Variants in WLS observed in about 807,000 individuals in gnomAD.
WLS encodes the protein protein wntless homolog.
In WLS, 23 loss-of-function variants were observed where a neutral mutation model predicts 62.8. The ratio of observed to expected loss-of-function variants is 0.37; its 90% confidence interval spans 0.26 to 0.52. WLS has a LOEUF of 0.52. Ranked by LOEUF, WLS falls within the 20% of genes least tolerant of loss-of-function variation. The probability of loss-of-function intolerance (pLI) is 0.92; values close to 1 mark genes in which losing one functional copy is unlikely to be tolerated. For missense variants in WLS, 615 were observed against 697.3 expected (o/e 0.88, Z 1.33); for synonymous variants, 246 against 244.1 (o/e 1.01, Z -0.07).
At chr1:68,099,927 A>G (rs1189348599) in intron 11 of WLS, 1 of 152,206 alleles carries the variant, frequency 6.6e-6, no homozygotes, top group African/African-American at 2.4e-5. Context: ...TACCTACAAT[A>G]CCACACAAGT....
At chr1:68,177,115 G>A (rs1464740660) in intron 2 of WLS, among the ~76,000 whole-genome samples, 9 of 152,122 alleles carry the variant, frequency 5.9e-5, no homozygotes, top group Non-Finnish European at 2.9e-5. Flanking sequence ...ATTAAATCAT[G>A]CCTGTGGGCA....
rs138662607 is a variant in WLS at position 68,184,918 on chromosome 1, C to T, written c.379+9037G>A. On this transcript the variant is annotated intron_variant, in intron 2 of 11. Coordinates refer to ENST00000262348, the MANE Select transcript of WLS (RefSeq NM_024911.7). ...CTACCACCATTTAGAAGTTGAACTC[C>T]GAGTGAGGGGAAAAACAAACAAACA... Among the ~76,000 whole-genome samples the T allele has an allele frequency of 4.0e-5, 6 of 149,938 alleles. 1 individual carries two copies. Among genetic ancestry groups the T allele is most frequent in the African/African-American group, 1.2e-4 (5 of 40,734 alleles).
chr1:68,105,278 T>A (rs952815728), intron 11 of WLS, among the ~76,000 whole-genome samples: 2 of 152,232 alleles, frequency 1.3e-5, no homozygotes, highest in African/African-American at 4.8e-5. Flanking sequence ...AAAAGACATC[T>A]AACCTGAGTG....
chr1:68,119,205 G>T (rs1646334705), intron 11 of WLS, among the ~76,000 whole-genome samples: 1 of 152,040 alleles, frequency 6.6e-6, no homozygotes, highest in Non-Finnish European at 1.5e-5. Context: ...GAAAAGGGCA[G>T]GTTATATAAC....
At chr1:68,194,358 T>C (rs1293338616) in intron 1 of WLS, 131 bp from the exon 2 acceptor site, 1 of 1,194,422 alleles carries the variant, frequency 8.4e-7, no homozygotes, top group African/African-American at 1.5e-5. Flanking sequence ...TCAGCAATAC[T>C]TAGGGATCTT....
intron 11 of WLS, among the ~76,000 whole-genome samples, chr1:68,105,787 A>G (rs1019380131): frequency 2.0e-5 from 3 of 152,158 alleles, no homozygotes; most frequent in African/African-American, 7.2e-5. Flanking sequence ...GAAAGACAGG[A>G]CTGGGTTCTG....
rs752250717 is a variant in WLS, at chr1:68,155,227, C to T, written c.538G>A (p.Asp180Asn). The T allele has an allele frequency of 6.2e-7, 1 of 1,613,682 alleles. No individual in the cohort carries two copies. The highest frequency in any genetic ancestry group is 1.7e-5 in the Admixed American group (1 of 59,952). Residue 180 changes from aspartate (D) to asparagine (N), a missense_variant, in exon 4 of 12, where the codon GAT becomes AAT. Asp to Asn is a conservative substitution (Grantham distance 23). Transcript: ENST00000262348. ...CCAATTTCCATGAAAGGAAGGACAT[C>T]ACATTCATAGTAACGGCCCTCATGC... ...PEHEGRYYEC[D>N]VLPFMEIGSV...
chr1:68,199,493 G>C (rs897667921), intron 1 of WLS, among the ~76,000 whole-genome samples: 1 of 152,140 alleles, frequency 6.6e-6, no homozygotes, highest in Non-Finnish European at 1.5e-5. Context: ...GGTAGAGATA[G>C]AACATGTGCT....
intron 10 of WLS, among the ~76,000 whole-genome samples, chr1:68,143,691 T>G (rs931372923): frequency 1.3e-5 from 2 of 152,202 alleles, no homozygotes; most frequent in African/African-American, 4.8e-5. Flanking sequence ...TCTAGGTTTG[T>G]GTAAGTACAC....
At chr1:68,119,009 A>G (rs907975185) in intron 11 of WLS, among the ~76,000 whole-genome samples, 4 of 152,038 alleles carry the variant, frequency 2.6e-5, no homozygotes, top group African/African-American at 7.2e-5. Flanking sequence ...TCAGTGATGT[A>G]CAAAAAAGAT....
intron 5 of WLS, 134 bp downstream of exon 5, chr1:68,153,383 C>A: frequency 1.7e-6 from 2 of 1,209,050 alleles, no homozygotes; most frequent in Non-Finnish European, 2.3e-6. Context: ...AAAAAGGAGT[C>A]CAGGATGACT....
At chr1:68,172,815 G>A (rs895326440) in intron 2 of WLS, among the ~76,000 whole-genome samples, 1 of 152,174 alleles carries the variant, frequency 6.6e-6, no homozygotes, top group Admixed American at 6.5e-5. Context: ...CAAAATAGCA[G>A]GGAAAGCAAC....
chr1:68,176,196 T>C (rs1647250380), intron 2 of WLS: 1 of 151,112 alleles, frequency 6.6e-6, no homozygotes, highest in Non-Finnish European at 1.5e-5. Context: ...TCTCCTCTTA[T>C]CTTTTTCCTC....
At chr1:68,192,412 A>G (rs1052721894) in intron 2 of WLS, among the ~76,000 whole-genome samples, 7 of 151,858 alleles carry the variant, frequency 4.6e-5, no homozygotes, top group African/African-American at 1.7e-4. Flanking sequence ...AGCTCAGGAG[A>G]GACCCCCATA....
Position 68,137,874 on chromosome 1 carries a change from G to A in WLS, c.1422C>T (p.Phe474=). Residue 474 remains phenylalanine, a synonymous_variant, in exon 11 of 12, where the codon TTC becomes TTT. Transcript: ENST00000262348. ...GATTCCACATCCCATAGATGCCTGT[G>A]AAAAAGGCACTGTTCACTTGGACTG... is the stretch of plus-strand genomic sequence containing the variant. ...GVTVQVNSAF[F]TGIYGMWNLY... is the part of the protein sequence containing the mutation. The A allele has an allele frequency of 6.2e-7, 1 of 1,613,992 alleles. No individual in the cohort carries two copies. Among genetic ancestry groups the A allele is most frequent in the Non-Finnish European group, 8.5e-7 (1 of 1,179,906 alleles).
chr1:68,196,568 C>T (rs567755315), intron 1 of WLS, among the ~76,000 whole-genome samples: 4 of 152,116 alleles, frequency 2.6e-5, no homozygotes, highest in South Asian at 2.1e-4. Context: ...TTCTAATGTT[C>T]GAATCCACAT....
At chr1:68,150,121 A>G in intron 6 of WLS, 67 bp downstream of exon 6, 1 of 1,530,422 alleles carries the variant, frequency 6.5e-7, no homozygotes, top group South Asian at 1.2e-5. Flanking sequence ...AAAGGGGGGC[A>G]GGTGTCAGCT....
intron 1 of WLS, among the ~76,000 whole-genome samples, chr1:68,199,977 T>C (rs1194179453): frequency 6.6e-6 from 1 of 152,122 alleles, no homozygotes; most frequent in Non-Finnish European, 1.5e-5. Context: ...AATGTCTGCC[T>C]TGCAACAAAG....
intron 3 of WLS, among the ~76,000 whole-genome samples, chr1:68,156,761 A>G (rs1262453702): frequency 6.6e-6 from 1 of 152,136 alleles, no homozygotes; most frequent in Admixed American, 6.5e-5. Flanking sequence ...TATATAGATC[A>G]TCTTTCTCTC....
Sources: gnomAD v4.1 joint callset for allele counts (sites outside exome capture counted in the v4.1 genomes callset) on GRCh38, gnomAD v4.1.1 for gene constraint, MANE v1.5 for transcripts, NCBI Gene and HGNC (gene_info 2026-07-23, HGNC 2026-07-21) for gene names.